MYT1L: variants seen among roughly 807,000 people sequenced by gnomAD.
The protein encoded by MYT1L is myelin transcription factor 1 like.
A neutral mutation model predicts 126.7 loss-of-function variants in MYT1L; 12 were observed. The ratio of observed to expected loss-of-function variants is 0.09; its 90% confidence interval spans 0.06 to 0.15. MYT1L has a LOEUF of 0.15. Among genes scored for constraint, MYT1L ranks in the 10% least tolerant of loss-of-function variants. The probability of loss-of-function intolerance (pLI) is 1.00; values close to 1 mark genes in which losing one functional copy is unlikely to be tolerated. For missense variants in MYT1L, 979 were observed against 1,585.2 expected (o/e 0.62, Z 6.49); for synonymous variants, 541 against 604.2 (o/e 0.90, Z 1.53).
intron 1 of MYT1L, among the ~76,000 whole-genome samples, chr2:2,285,061 T>A (rs1285596717): frequency 6.6e-6 from 1 of 152,164 alleles, no homozygotes; most frequent in African/African-American, 2.4e-5. Flanking sequence ...TTAATAAAAA[T>A]GAAAGAACAA....
At chr2:1,985,090 C>T (rs12986519) in intron 5 of MYT1L, among the ~76,000 whole-genome samples, 4,105 of 152,274 alleles carry the variant, frequency 0.027, 73 homozygotes, top group Non-Finnish European at 0.042. Flanking sequence ...CCCACTTTGA[C>T]ACCAGAACCT....
rs532783501 is a variant in MYT1L at position 1,892,283 on chromosome 2, C to T, written c.2037G>A (p.Lys679=). 1.3e-6 allele frequency: 2 copies of T among 1,548,274 alleles called. No individual in the cohort carries two copies. Among genetic ancestry groups the T allele is most frequent in the East Asian group, 2.4e-5 (1 of 40,846 alleles). Residue 679 remains lysine (K), a synonymous_variant, in exon 15 of 25, where the codon AAG becomes AAA. Coordinates refer to ENST00000647738, the MANE Select transcript of MYT1L (RefSeq NM_001303052.2). ...TGGGGCTGGGGTCCTTGCAGTACCG[C>T]TTCGCTGGGGAGACAGGGACAGGGA... ...DISPKGYDDA[K]RYCKDPSPSS...
intron 18 of MYT1L, among the ~76,000 whole-genome samples, chr2:1,862,062 G>A (rs955608103): frequency 2.6e-5 from 4 of 152,136 alleles, no homozygotes; most frequent in African/African-American, 9.7e-5. Flanking sequence ...CCCAAATTCT[G>A]CCTCGTGCCC....
intron 3 of MYT1L, among the ~76,000 whole-genome samples, chr2:2,096,315 CT>C (rs1398184365): frequency 1.3e-5 from 2 of 152,210 alleles, no homozygotes; most frequent in Admixed American, 6.5e-5. Flanking sequence ...GTGGGGGCCA[CT>C]GTGCTTGGCA....
intron 3 of MYT1L, among the ~76,000 whole-genome samples, chr2:2,076,712 G>GT (rs1219933736): frequency 6.6e-6 from 1 of 152,146 alleles, no homozygotes; most frequent in African/African-American, 2.4e-5. Flanking sequence ...CTTGGGGAAT[G>GT]TAAGAATCTG....
intron 1 of MYT1L, among the ~76,000 whole-genome samples, chr2:2,328,539 C>A (rs796108772): frequency 4.6e-5 from 7 of 152,174 alleles, no homozygotes; most frequent in African/African-American, 1.7e-4. Flanking sequence ...TTGATCTCAG[C>A]TTCTAACACA....
chr2:2,265,419 G>C (rs1336510223), intron 2 of MYT1L, among the ~76,000 whole-genome samples: 1 of 151,984 alleles, frequency 6.6e-6, no homozygotes, highest in Non-Finnish European at 1.5e-5. Context: ...CATAGCCTGT[G>C]TGGCATATTT....
chr2:2,040,106 C>T (rs966211033), intron 4 of MYT1L, among the ~76,000 whole-genome samples: 1 of 152,110 alleles, frequency 6.6e-6, no homozygotes, highest in South Asian at 2.1e-4. Flanking sequence ...TCACAGCTGG[C>T]GATATGTGTC....
chr2:2,123,042 G>A (rs1279044697), intron 3 of MYT1L, among the ~76,000 whole-genome samples: 1 of 152,096 alleles, frequency 6.6e-6, no homozygotes, highest in African/African-American at 2.4e-5. Flanking sequence ...GGGGTTTTCA[G>A]GGCACGCTGG....
chr2:2,024,485 T>C (rs2149854010), intron 4 of MYT1L, among the ~76,000 whole-genome samples: 1 of 152,354 alleles, frequency 6.6e-6, no homozygotes, highest in Admixed American at 6.5e-5. Flanking sequence ...CTGCTCTTTC[T>C]ATTCCTTCCT....
At chr2:1,977,035 A>C (rs1219972128) in intron 8 of MYT1L, among the ~76,000 whole-genome samples, 1 of 152,226 alleles carries the variant, frequency 6.6e-6, no homozygotes, top group Non-Finnish European at 1.5e-5. Context: ...ACTATACCAC[A>C]TTAGATGTTC....
chr2:1,792,989 T>TC (rs2032512458), intron 23 of MYT1L, among the ~76,000 whole-genome samples: 1 of 152,066 alleles, frequency 6.6e-6, no homozygotes, highest in Non-Finnish European at 1.5e-5. Flanking sequence ...TGAGACTGTT[T>TC]CCCTGCGCGA....
intron 2 of MYT1L, among the ~76,000 whole-genome samples, chr2:2,279,573 G>GA (rs1559536021): frequency 1.1e-3 from 47 of 42,162 alleles, no homozygotes; most frequent in African/African-American, 3.7e-3. Context: ...ATGAATGAAG[G>GA]AAGGAAGGAA....
chr2:1,945,179 C>T (rs969652649), intron 8 of MYT1L, among the ~76,000 whole-genome samples: 2 of 152,080 alleles, frequency 1.3e-5, no homozygotes, highest in African/African-American at 2.4e-5. Context: ...CAATCAACTT[C>T]GTGGATGAAT....
intron 2 of MYT1L, among the ~76,000 whole-genome samples, chr2:2,246,266 C>T (rs1480184386): frequency 2.0e-5 from 3 of 152,144 alleles, no homozygotes; most frequent in Non-Finnish European, 4.4e-5. Flanking sequence ...TGGAGAGCTT[C>T]GCCTGCCACA....
chr2:2,067,833 G>C (rs2150202244), intron 3 of MYT1L, among the ~76,000 whole-genome samples: 1 of 152,070 alleles, frequency 6.6e-6, no homozygotes, highest in Non-Finnish European at 1.5e-5. Context: ...ATAAATAAAA[G>C]CATACTCAAC....
chr2:2,214,130 C>G (rs548085949), intron 2 of MYT1L, among the ~76,000 whole-genome samples: 1 of 151,620 alleles, frequency 6.6e-6, no homozygotes, highest in Non-Finnish European at 1.5e-5. Context: ...TTGAAATTAT[C>G]TAAATGAAAC....
At chr2:2,174,710 G>C (rs2090511820) in intron 2 of MYT1L, among the ~76,000 whole-genome samples, 1 of 152,018 alleles carries the variant, frequency 6.6e-6, no homozygotes, top group Non-Finnish European at 1.5e-5. Context: ...ATATAAACTT[G>C]ACATTATTGA....
chr2:2,132,552 C>T (rs1263251482), intron 3 of MYT1L, among the ~76,000 whole-genome samples: 1 of 130,572 alleles, frequency 7.7e-6, no homozygotes, highest in African/African-American at 2.8e-5. Flanking sequence ...GAGAGGGGAA[C>T]ATCACACACT....
Sources: allele counts gnomAD v4.1 joint callset (sites outside exome capture counted in the v4.1 genomes callset), GRCh38; gene constraint gnomAD v4.1.1; transcripts MANE v1.5; gene names NCBI Gene and HGNC (gene_info 2026-07-23, HGNC 2026-07-21).